The following ABHD2 variants were observed in gnomAD, a reference collection of about 807,000 sequenced individuals.
ABHD2 encodes the protein monoacylglycerol lipase ABHD2.
In ABHD2, 20 loss-of-function variants were observed where a neutral mutation model predicts 48.1. That is an observed-to-expected ratio of 0.42 (90% CI 0.29 to 0.60). The LOEUF (loss-of-function observed/expected upper bound fraction) is 0.60. Among genes scored for constraint, ABHD2 ranks in the 20% least tolerant of loss-of-function variants. The probability of loss-of-function intolerance (pLI) is 0.24; values close to 1 mark genes in which losing one functional copy is unlikely to be tolerated. For missense variants in ABHD2, 405 were observed against 550.9 expected (o/e 0.74, Z 2.65); for synonymous variants, 209 against 214.2 (o/e 0.98, Z 0.21).
chr15:89,201,525 T>A lies in ABHD2; in HGVS notation c.*6102T>A. 1.3e-6 allele frequency: 2 copies of A among 1,594,518 alleles called. No homozygotes were observed. The highest frequency in any genetic ancestry group is 2.2e-5 in the East Asian group (1 of 44,800). Reference sequence around the variant, plus strand: ...GAGCAAAAATTGTACCATAAACTTGTGTTTACTCTTTTCATTCGGATCATA... The same window carrying A: ...GAGCAAAAATTGTACCATAAACTTGAGTTTACTCTTTTCATTCGGATCATA... On this transcript the variant is annotated 3_prime_UTR_variant, in exon 11 of 11. Transcript: ENST00000352732.
chr15:89,175,899 G>C lies in ABHD2; in HGVS notation c.626G>C (p.Gly209Ala). 6.2e-7 allele frequency: 1 copy of C among 1,614,120 alleles called. No homozygotes were observed. The highest frequency in any genetic ancestry group is 1.7e-5 in the Admixed American group (1 of 60,014). ...CTGGTCGTCGTGGGCTTCAGCCTGG[G>C]TGGTAACATTGTGTGCAAATACTTG... is the stretch of plus-strand genomic sequence containing the variant. ...TQLVVVGFSL[G>A]GNIVCKYLGE... The change falls in exon 6 of 11, where the codon GGT (glycine) becomes GCT (alanine). Residue 209 changes from glycine (G) to alanine (A), a missense_variant. Gly to Ala is a moderately conservative substitution (Grantham distance 60, BLOSUM62 0). Coordinates refer to ENST00000352732, the MANE Select transcript of ABHD2 (RefSeq NM_152924.5). The surrounding 1 kb of genome is among the most constrained non-coding windows in gnomAD (Gnocchi z 5.7).
In ABHD2 at chr15:89,146,359, T is replaced by C. The variant is rs1319608313; in HGVS notation, c.195-5318T>C. ...CTTCATCTGCTCAAAGACGTACGTG[T>C]GTGTGTGTGTGTGTGTGTGTGTGTG... On this transcript the variant is annotated intron_variant, in intron 3 of 10. Transcript: ENST00000352732. The surrounding 1 kb of genome is among the most constrained non-coding windows in gnomAD (Gnocchi z 4.2). Among the ~76,000 whole-genome samples the C allele has an allele frequency of 2.3e-5, 1 of 42,954 alleles. No individual in the cohort carries two copies. The highest frequency in any genetic ancestry group is 3.4e-4 in the Admixed American group (1 of 2,968). The allele number at this position is 42,954 out of a possible 152,430, so 28.2% of individuals were successfully genotyped here.
rs182698154 is a variant in ABHD2 at position 89,104,584 on chromosome 15, G to A, written c.-106-9141G>A. ...GGAAACCAGAACGCTCAGGAACGGTGAGTCCCAGTTATTTTTATTTTCTCA... is the reference window on the plus strand; with the variant it reads ...GGAAACCAGAACGCTCAGGAACGGTAAGTCCCAGTTATTTTTATTTTCTCA... On this transcript the variant is annotated intron_variant, in intron 1 of 10. Coordinates refer to ENST00000352732, the MANE Select transcript of ABHD2 (RefSeq NM_152924.5). This position sits in a 1 kb window ranked among gnomAD's most constrained non-coding sequence, Gnocchi z 4.4. Among the ~76,000 whole-genome samples the A allele has an allele frequency of 9.5e-4, 145 of 152,336 alleles. 2 individuals carry two copies. The highest frequency in any genetic ancestry group is 3.5e-3 in the African/African-American group (145 of 41,574).
chr15:89,071,507 G>A, the ABHD2 span, among the ~76,000 whole-genome samples: 1 of 152,156 alleles, frequency 6.6e-6, no homozygotes, highest in Non-Finnish European at 1.5e-5. Flanking sequence ...CAGGAAAAAC[G>A]CAACCACTTG....
At chr15:89,089,206 G>A (rs1901494460) in intron 1 of ABHD2, among the ~76,000 whole-genome samples, 1 of 152,244 alleles carries the variant, frequency 6.6e-6, no homozygotes, top group Non-Finnish European at 1.5e-5. Flanking sequence ...CGATGTCCAA[G>A]CAGTGGCCTG....
chr15:89,159,634 C>G (rs1015438977), intron 5 of ABHD2, among the ~76,000 whole-genome samples: 1 of 152,154 alleles, frequency 6.6e-6, no homozygotes, highest in African/African-American at 2.4e-5. Flanking sequence ...GAGCAGCATT[C>G]ACAGCTGCCT....
rs140016091 is a variant in ABHD2, at chr15:89,116,485, G to A, written c.158G>A (p.Arg53His). Residue 53 changes from arginine to histidine, a missense_variant, in exon 3 of 11, where the codon CGC becomes CAC. By Grantham distance (29) the Arg-to-His change is conservative. Transcript: ENST00000352732. This position sits in a 1 kb window ranked among gnomAD's most constrained non-coding sequence, Gnocchi z 4.6. ...DLYFQDSGLS[R>H]FLLKSCPLLT... is the part of the protein sequence containing the mutation. ...TACTTCCAGGACTCGGGGCTCTCAC[G>A]CTTTCTGCTCAAGTCCTGTCCTCTT... is the stretch of plus-strand genomic sequence containing the variant. 2.7e-4 allele frequency: 436 copies of A among 1,614,154 alleles called. 1 individual carries two copies. The African/African-American group carries it at 5.4e-3, about 20-fold the overall frequency.
intron 4 of ABHD2, among the ~76,000 whole-genome samples, chr15:89,152,758 AT>A (rs1567093523): frequency 6.6e-6 from 1 of 152,072 alleles, no homozygotes; most frequent in Non-Finnish European, 1.5e-5. Flanking sequence ...GATAACTGAA[AT>A]TTTCATTGCT....
In ABHD2 at chr15:89,177,514, G is replaced by T. The variant is rs1338393654; in HGVS notation, c.722+1519G>T. 6.6e-6 allele frequency among the ~76,000 whole-genome samples: 1 copy of T among 152,108 alleles called. No homozygotes were observed. Among genetic ancestry groups the T allele is most frequent in the East Asian group, 1.9e-4 (1 of 5,190 alleles). ...ATGGGACCTCAGAAGTCTGCATTTT[G>T]GATACATTTCATAGGCGAGTTTTCA... On this transcript the variant is annotated intron_variant, in intron 6 of 10. Transcript: ENST00000352732. This position sits in a 1 kb window ranked among gnomAD's most constrained non-coding sequence, Gnocchi z 5.6.
rs141435823 is a variant in ABHD2, at chr15:89,120,621, G to A, written c.194+4100G>A. Among the ~76,000 whole-genome samples, 654 of 152,054 alleles carry A rather than the reference G, an allele frequency of 4.3e-3. 10 individuals are homozygous for A. The highest frequency in any genetic ancestry group is 0.015 in the African/African-American group (624 of 41,452). ...CCTACCTCAGCCTCCTGAGTAGCTG[G>A]GATTACAGGCGCATGCCACCACACC... On this transcript the variant is annotated intron_variant, in intron 3 of 10. Coordinates refer to ENST00000352732, the MANE Select transcript of ABHD2 (RefSeq NM_152924.5). The surrounding 1 kb of genome is among the most constrained non-coding windows in gnomAD (Gnocchi z 4.2).
intron 3 of ABHD2, among the ~76,000 whole-genome samples, chr15:89,140,630 G>A (rs1479389393): frequency 1.3e-5 from 2 of 151,944 alleles, no homozygotes; most frequent in African/African-American, 4.8e-5. Flanking sequence ...TATTTGTGCT[G>A]ACCCTTCTGC....
the ABHD2 span, among the ~76,000 whole-genome samples, chr15:89,076,880 C>T: frequency 9.5e-4 from 144 of 152,238 alleles, no homozygotes; most frequent in African/African-American, 2.9e-3. Flanking sequence ...TTATAAGGTC[C>T]CCTTCCACAT....
the ABHD2 span, among the ~76,000 whole-genome samples, chr15:89,073,106 C>G: frequency 3.3e-5 from 5 of 152,174 alleles, no homozygotes; most frequent in South Asian, 1.0e-3. Context: ...ATCTAGCAAG[C>G]CTAGTTGTGA....
At chr15:89,135,381 C>A (rs2050290749) in intron 3 of ABHD2, among the ~76,000 whole-genome samples, 1 of 150,470 alleles carries the variant, frequency 6.6e-6, no homozygotes, top group South Asian at 2.1e-4. Flanking sequence ...TATCTAAAGA[C>A]ACATTTGGTA....
intron 9 of ABHD2, 51 bp downstream of exon 9, chr15:89,191,200 A>G (rs1241289169): frequency 6.4e-7 from 1 of 1,562,636 alleles, no homozygotes; most frequent in East Asian, 2.2e-5. Context: ...CCAGCCTCGC[A>G]CACAATACGA....
At chr15:89,060,753 G>A in the ABHD2 span, among the ~76,000 whole-genome samples, 69 of 145,922 alleles carry the variant, frequency 4.7e-4, no homozygotes, top group Admixed American at 1.5e-3. Flanking sequence ...TAAAGACAAA[G>A]GGGGGAAGTG....
chr15:89,118,985 G>A lies in ABHD2; in HGVS notation c.194+2464G>A, dbSNP rs550993120. On this transcript the variant is annotated intron_variant, in intron 3 of 10. Coordinates refer to ENST00000352732, the MANE Select transcript of ABHD2 (RefSeq NM_152924.5). ...CCCCAGCCCCATCTCCTTGGACCTC[G>A]TGGCTGTGTTTAGAAAATTAGCATC... 5.9e-5 allele frequency among the ~76,000 whole-genome samples: 9 copies of A among 152,180 alleles called. 1 individual carries two copies. The highest frequency in any genetic ancestry group is 5.2e-4 in the Admixed American group (8 of 15,284).
At chr15:89,048,686 G>A in the ABHD2 span, among the ~76,000 whole-genome samples, 2 of 151,724 alleles carry the variant, frequency 1.3e-5, no homozygotes, top group South Asian at 2.1e-4. Context: ...CCAGTTGATC[G>A]CATCAGCTCC....
chr15:89,155,604 T>C lies in ABHD2; in HGVS notation c.538+70T>C, dbSNP rs1261997949. ...TACTACTTCTGCTTCTGCCTTGTTTTTTCTTTTTTTAAGTTTTAAACCTAT... is the reference window on the plus strand; with the variant it reads ...TACTACTTCTGCTTCTGCCTTGTTTCTTCTTTTTTTAAGTTTTAAACCTAT... On this transcript the variant is annotated intron_variant, in intron 5 of 10. Transcript: ENST00000352732. The surrounding 1 kb of genome is among the most constrained non-coding windows in gnomAD (Gnocchi z 4.9). 5.1e-5 allele frequency: 79 copies of C among 1,548,766 alleles called. No individual in the cohort carries two copies. The highest frequency in any genetic ancestry group is 7.0e-6 in the Non-Finnish European group (8 of 1,145,426).
Sources: gnomAD v4.1 joint callset for allele counts (sites outside exome capture counted in the v4.1 genomes callset) on GRCh38, gnomAD v4.1.1 for gene constraint, Gnocchi (gnomAD v3.1) non-coding constraint, MANE v1.5 for transcripts, NCBI Gene and HGNC (gene_info 2026-07-23, HGNC 2026-07-21) for gene names.